Variants in TSHZ2 observed in about 807,000 individuals in gnomAD.
TSHZ2 encodes teashirt homolog 2.
A neutral mutation model predicts 74.4 loss-of-function variants in TSHZ2; 21 were observed. The ratio of observed to expected loss-of-function variants is 0.28; its 90% confidence interval spans 0.20 to 0.41. TSHZ2 has a LOEUF of 0.41. TSHZ2 is among the 10% of genes least tolerant of loss of function. TSHZ2 has a pLI of 1.00. For synonymous variants in TSHZ2, 540 were observed against 515.3 expected, an observed-to-expected ratio of 1.05 and a Z score of -0.65; for missense variants, 1,244 against 1,293.5, an observed-to-expected ratio of 0.96 and a Z score of 0.59.
chr20:53,294,537 A>G (rs919156580), intron 2 of TSHZ2, among the ~76,000 whole-genome samples: 8 of 152,140 alleles, frequency 5.3e-5, no homozygotes. Context: ...CCCAGAGAAT[A>G]AATTTTTGCT....
intron 1 of TSHZ2, among the ~76,000 whole-genome samples, chr20:53,203,194 T>TC (rs1236835885): frequency 7.7e-6 from 1 of 129,480 alleles, no homozygotes; most frequent in Non-Finnish European, 1.6e-5. Flanking sequence ...GACTCAAATT[T>TC]TTTTTTTTTT....
intron 2 of TSHZ2, among the ~76,000 whole-genome samples, chr20:53,474,816 T>C (rs964475069): frequency 5.0e-5 from 7 of 139,864 alleles, no homozygotes; most frequent in African/African-American, 2.0e-4. Context: ...GAGGAAGATC[T>C]ACCAAGCAAA....
rs1986540556 is a variant in TSHZ2, at chr20:53,494,760, C to T, written c.*7625C>T. 1 of 151,360 alleles carries T rather than the reference C, an allele frequency of 6.6e-6. No homozygotes were observed. The allele number at this position is 151,360 out of a possible 1,614,324, so 9.4% of individuals were successfully genotyped here. On this transcript the variant is annotated 3_prime_UTR_variant, in exon 3 of 3. Transcript: ENST00000371497. ...ACATTCGCCAAGGTTATATGGAGCC[C>T]CTGATTTCCATCAAAAAGGTTTCTA...
chr20:53,282,667 A>G (rs1266400559), intron 2 of TSHZ2, among the ~76,000 whole-genome samples: 5 of 152,360 alleles, frequency 3.3e-5, no homozygotes, highest in East Asian at 3.9e-4. Context: ...GTTAGGATTT[A>G]AGGCCGGTTC....
chr20:53,454,433 G>A (rs1291875032), intron 2 of TSHZ2, among the ~76,000 whole-genome samples: 6 of 151,864 alleles, frequency 4.0e-5, no homozygotes, highest in African/African-American at 7.3e-5. Context: ...ATGGTGGCAC[G>A]TGCCTGTAGT....
rs1462357288 is a variant in TSHZ2, at chr20:53,475,319, C to T, written c.*9-11825C>T. Among the ~76,000 whole-genome samples the T allele has an allele frequency of 4.5e-4, 47 of 105,182 alleles. No homozygotes were observed. The East Asian group carries it at 0.012, about 26-fold the overall frequency. 69.0% of individuals were successfully genotyped at this position (105,182 alleles called of 152,430 possible). A position where few individuals can be genotyped will look rare whatever the true frequency, so the allele number is the denominator to read the frequency against. ...TTATAACAAACTATCTCTCAGACCACAGTGCAATCAAACTAGAACTCAGGA... is the reference window on the plus strand; with the variant it reads ...TTATAACAAACTATCTCTCAGACCATAGTGCAATCAAACTAGAACTCAGGA... On this transcript the variant is annotated intron_variant, in intron 2 of 2. Coordinates refer to ENST00000371497, the MANE Select transcript of TSHZ2 (RefSeq NM_173485.6).
chr20:53,335,072 A>G (rs535675914), intron 2 of TSHZ2, among the ~76,000 whole-genome samples: 2 of 152,358 alleles, frequency 1.3e-5, no homozygotes, highest in African/African-American at 2.4e-5. Flanking sequence ...GGCTGTTGCA[A>G]TAACCCAGGT....
At chr20:53,131,471 G>C (rs1210706814) in intron 1 of TSHZ2, among the ~76,000 whole-genome samples, 13 of 152,160 alleles carry the variant, frequency 8.5e-5, no homozygotes, top group Admixed American at 7.9e-4. Flanking sequence ...GTTAAAAGCT[G>C]AACACCTGGG....
chr20:53,028,878 A>C (rs185803856), intron 1 of TSHZ2, among the ~76,000 whole-genome samples: 11 of 152,322 alleles, frequency 7.2e-5, no homozygotes, highest in Non-Finnish European at 2.9e-5. Flanking sequence ...TGACAGGTGT[A>C]ATATAATGGT....
At chr20:52,988,168 GC>G (rs1383952607) in intron 1 of TSHZ2, among the ~76,000 whole-genome samples, 1 of 152,038 alleles carries the variant, frequency 6.6e-6, no homozygotes, top group Admixed American at 6.5e-5. Flanking sequence ...AACTGTCATC[GC>G]CTTAATGGTT....
chr20:53,253,175 TAA>T (rs1013584403), intron 1 of TSHZ2, among the ~76,000 whole-genome samples: 1 of 151,746 alleles, frequency 6.6e-6, no homozygotes, highest in African/African-American at 2.4e-5. Context: ...CCAGATTTCC[TAA>T]AAGTCATACA....
chr20:53,186,807 A>G (rs751735328), intron 1 of TSHZ2, among the ~76,000 whole-genome samples: 15 of 152,070 alleles, frequency 9.9e-5, no homozygotes, highest in Non-Finnish European at 1.8e-4. Flanking sequence ...ATCTCCCCTC[A>G]TCAATCACTT....
At chr20:52,993,609 C>T (rs538561031) in intron 1 of TSHZ2, among the ~76,000 whole-genome samples, 54 of 152,234 alleles carry the variant, frequency 3.5e-4, no homozygotes, top group African/African-American at 1.3e-3. Context: ...AATTCTTAGG[C>T]ACATACTTTA....
chr20:53,204,451 T>A (rs1041252139), intron 1 of TSHZ2, among the ~76,000 whole-genome samples: 1 of 151,406 alleles, frequency 6.6e-6, no homozygotes, highest in African/African-American at 2.4e-5. Flanking sequence ...TATAATATTT[T>A]GGACATACTA....
intron 1 of TSHZ2, among the ~76,000 whole-genome samples, chr20:53,123,037 A>G: frequency 6.6e-6 from 1 of 152,204 alleles, no homozygotes; most frequent in South Asian, 2.1e-4. Flanking sequence ...CCATAACTAC[A>G]TGAATGGGTT....
intron 1 of TSHZ2, among the ~76,000 whole-genome samples, chr20:53,201,825 G>A (rs751170708): frequency 7.9e-5 from 12 of 152,138 alleles, no homozygotes; most frequent in Non-Finnish European, 1.3e-4. Context: ...CCCACTAGAT[G>A]TCAGTAGCAC....
At chr20:53,073,670 T>C (rs979795239) in intron 1 of TSHZ2, among the ~76,000 whole-genome samples, 4 of 152,220 alleles carry the variant, frequency 2.6e-5, no homozygotes, top group African/African-American at 9.6e-5. Flanking sequence ...CGGGATGAGC[T>C]AATGGATGCT....
At chr20:53,063,090 A>G (rs1468343736) in intron 1 of TSHZ2, among the ~76,000 whole-genome samples, 2 of 152,234 alleles carry the variant, frequency 1.3e-5, no homozygotes, top group Non-Finnish European at 2.9e-5. Context: ...CATAATAGAT[A>G]TAACAATAAT....
intron 2 of TSHZ2, among the ~76,000 whole-genome samples, chr20:53,364,400 G>A (rs546060653): frequency 3.3e-5 from 5 of 152,066 alleles, no homozygotes; most frequent in South Asian, 2.1e-4. Flanking sequence ...TCAGGGAGTC[G>A]CGCTGGTGCC....
Sources: gnomAD v4.1 joint callset for allele counts (sites outside exome capture counted in the v4.1 genomes callset) on GRCh38, gnomAD v4.1.1 for gene constraint, MANE v1.5 for transcripts, NCBI Gene and HGNC (gene_info 2026-07-23, HGNC 2026-07-21) for gene names.